RFX3: variants seen among roughly 807,000 people sequenced by gnomAD.
RFX3 encodes regulatory factor X3.
A neutral mutation model predicts 98.6 loss-of-function variants in RFX3; 14 were observed. The observed-to-expected ratio is 0.14, with a 90% confidence interval of 0.09 to 0.22. RFX3 has a LOEUF of 0.22. Among genes scored for constraint, RFX3 ranks in the 10% least tolerant of loss-of-function variants. RFX3 has a pLI of 1.00. For missense variants in RFX3, 639 were observed against 926.9 expected (o/e 0.69, Z 4.03); for synonymous variants, 383 against 328.4 (o/e 1.17, Z -1.80).
Position 3,378,094 on chromosome 9 carries a change from C to G in RFX3, c.117+17378G>C, listed in dbSNP as rs11536748. On this transcript the variant is annotated intron_variant, in intron 2 of 16. Coordinates refer to ENST00000617270, the MANE Select transcript of RFX3 (RefSeq NM_001282116.2). ...AGTTAATTTTACAGCACAATATACACTTGGATAAGAATTCATCACTGAAAA... is the reference window on the plus strand; with the variant it reads ...AGTTAATTTTACAGCACAATATACAGTTGGATAAGAATTCATCACTGAAAA... Among the ~76,000 whole-genome samples, 312 of 152,146 alleles carry G rather than the reference C, an allele frequency of 2.1e-3. 12 individuals carry two copies. In the East Asian group the frequency reaches 0.053, roughly 26 times the overall value.
chr9:3,504,416 T>C (rs1303870144), intron 1 of RFX3, among the ~76,000 whole-genome samples: 2 of 136,802 alleles, frequency 1.5e-5, no homozygotes, highest in South Asian at 2.2e-4. Flanking sequence ...ATATATATTA[T>C]ATACCACATA....
chr9:3,308,117 T>A (rs891316551), intron 4 of RFX3, among the ~76,000 whole-genome samples: 2 of 152,164 alleles, frequency 1.3e-5, no homozygotes, highest in Admixed American at 6.6e-5. Flanking sequence ...ACTGCCTATA[T>A]GTAATCTATT....
intron 1 of RFX3, among the ~76,000 whole-genome samples, chr9:3,402,269 ACT>A (rs1841549202): frequency 6.6e-6 from 1 of 152,194 alleles, no homozygotes; most frequent in Admixed American, 6.6e-5. Flanking sequence ...CACTACACTT[ACT>A]GTATTATTTT....
chr9:3,314,854 G>A (rs1830397540), intron 4 of RFX3, among the ~76,000 whole-genome samples: 1 of 152,004 alleles, frequency 6.6e-6, no homozygotes, highest in South Asian at 2.1e-4. Flanking sequence ...CCCAAAATAG[G>A]AGCACCCAGA....
chr9:3,412,071 C>CA (rs1374591255), intron 1 of RFX3, among the ~76,000 whole-genome samples: 5 of 152,150 alleles, frequency 3.3e-5, no homozygotes, highest in Non-Finnish European at 5.9e-5. Context: ...ACGTAAGCCA[C>CA]ATGGCCAAAA....
At position 3,224,984 on chromosome 9, in the gene RFX3, A is replaced by G; in HGVS notation, c.*58T>C. 1.3e-6 allele frequency: 2 copies of G among 1,530,478 alleles called. No homozygotes were observed. Among genetic ancestry groups the G allele is most frequent in the Non-Finnish European group, 1.8e-6 (2 of 1,113,154 alleles). 94.8% of individuals were successfully genotyped at this position (1,530,478 alleles called of 1,614,324 possible). A position where few individuals can be genotyped will look rare whatever the true frequency, so the allele number is the denominator to read the frequency against. On this transcript the variant is annotated 3_prime_UTR_variant, in exon 17 of 17. Transcript: ENST00000617270. The stretch of plus-strand genomic sequence containing the variant: ...GACCTTCAGGCTTATTAAATTTTCA[A>G]CTTAAGCCCAATATCAACAGGGTTA...
At chr9:3,242,805 T>C (rs142457925) in intron 15 of RFX3, among the ~76,000 whole-genome samples, 4 of 152,212 alleles carry the variant, frequency 2.6e-5, no homozygotes, top group East Asian at 3.9e-4. Flanking sequence ...TCTCTATTAC[T>C]GAAATATTAT....
Position 3,271,131 on chromosome 9 carries a change from A to G in RFX3, c.1087-13T>C. On this transcript the variant is annotated splice_polypyrimidine_tract_variant and intron_variant, in intron 9 of 16. Transcript: ENST00000617270. Reference sequence around the variant, plus strand: ...CGTCCAATATTGCCTAAAAAACAAAATGGTACCAGTATTACCTTACAATAT... The same window carrying G: ...CGTCCAATATTGCCTAAAAAACAAAGTGGTACCAGTATTACCTTACAATAT... 6.2e-7 allele frequency: 1 copy of G among 1,609,318 alleles called. No homozygotes were observed. The highest frequency in any genetic ancestry group is 1.1e-5 in the South Asian group (1 of 90,972).
chr9:3,455,258 T>G (rs1587728144), intron 1 of RFX3, among the ~76,000 whole-genome samples: 4 of 152,328 alleles, frequency 2.6e-5, no homozygotes, highest in Middle Eastern at 6.8e-3. Flanking sequence ...AGATTCTGTA[T>G]GCATCAGACA....
chr9:3,399,531 T>C (rs1330741349), intron 1 of RFX3, among the ~76,000 whole-genome samples: 2 of 152,204 alleles, frequency 1.3e-5, no homozygotes, highest in South Asian at 4.1e-4. Flanking sequence ...TTATGTGTTC[T>C]ATAGGCAAAT....
At chr9:3,397,664 T>C (rs1338652718) in intron 1 of RFX3, among the ~76,000 whole-genome samples, 1 of 152,206 alleles carries the variant, frequency 6.6e-6, no homozygotes, top group Admixed American at 6.5e-5. Flanking sequence ...CTTAATTTTC[T>C]TTCTACACTT....
chr9:3,394,154 A>T (rs868417619), intron 2 of RFX3, among the ~76,000 whole-genome samples: 41 of 152,266 alleles, frequency 2.7e-4, no homozygotes, highest in Middle Eastern at 3.4e-3. Context: ...AGATTTTTTT[A>T]AAAATGTTTA....
intron 2 of RFX3, among the ~76,000 whole-genome samples, chr9:3,351,845 T>C (rs1375884524): frequency 6.6e-6 from 1 of 151,906 alleles, no homozygotes; most frequent in East Asian, 1.9e-4. Flanking sequence ...TTACATATAG[T>C]TAGTAGTAAT....
At chr9:3,499,887 T>C (rs1815789924) in intron 1 of RFX3, among the ~76,000 whole-genome samples, 1 of 152,148 alleles carries the variant, frequency 6.6e-6, no homozygotes, top group African/African-American at 2.4e-5. Flanking sequence ...ACATTTTCTC[T>C]ACATTCTTGG....
At chr9:3,311,873 G>C (rs1830002926) in intron 4 of RFX3, among the ~76,000 whole-genome samples, 2 of 152,094 alleles carry the variant, frequency 1.3e-5, no homozygotes, top group Non-Finnish European at 2.9e-5. Context: ...AACAGAGCAA[G>C]ACTCTGCCCA....
intron 9 of RFX3, among the ~76,000 whole-genome samples, chr9:3,274,486 A>C (rs1381134634): frequency 6.6e-6 from 1 of 152,178 alleles, no homozygotes; most frequent in Non-Finnish European, 1.5e-5. Context: ...GTGGTACATT[A>C]ATGTGCTGGC....
intron 4 of RFX3, among the ~76,000 whole-genome samples, chr9:3,322,471 C>T (rs1426597873): frequency 6.6e-6 from 1 of 152,118 alleles, no homozygotes; most frequent in Non-Finnish European, 1.5e-5. Context: ...GTGGCTCAGG[C>T]CTGTAATCCC....
At position 3,223,504 on chromosome 9, in the gene RFX3, A is replaced by G. The variant is rs1415400548; in HGVS notation, c.*1538T>C. ...TAACTAAATAAGAATGGTCTAAAACATATATGATTTTATGTTAACAAGTTG... is the reference window on the plus strand; with the variant it reads ...TAACTAAATAAGAATGGTCTAAAACGTATATGATTTTATGTTAACAAGTTG... On this transcript the variant is annotated 3_prime_UTR_variant, in exon 17 of 17. Transcript: ENST00000617270. 1 of 152,232 alleles carries G rather than the reference A, an allele frequency of 6.6e-6. No individual in the cohort carries two copies. Among genetic ancestry groups the G allele is most frequent in the Non-Finnish European group, 1.5e-5 (1 of 68,044 alleles). 9.4% of individuals were successfully genotyped at this position (152,232 alleles called of 1,614,324 possible). A position where few individuals can be genotyped will look rare whatever the true frequency, so the allele number is the denominator to read the frequency against.
Position 3,505,285 on chromosome 9 carries a change from T to TTAAAATA in RFX3, c.-9+20461_-9+20462insTATTTTA, listed in dbSNP as rs1564187095. 8.7e-4 allele frequency among the ~76,000 whole-genome samples: 52 copies of TTAAAATA among 59,770 alleles called. 3 individuals carry two copies. The highest frequency in any genetic ancestry group is 5.3e-3 in the African/African-American group (47 of 8,866). 39.2% of individuals were successfully genotyped at this position (59,770 alleles called of 152,430 possible). A position where few individuals can be genotyped will look rare whatever the true frequency, so the allele number is the denominator to read the frequency against. ...ATTTATATATATATGAATATATACA[T>TTAAAATA]TTTTATATTTATATATATATAAATA... On this transcript the variant is annotated intron_variant, in intron 1 of 16. Coordinates refer to ENST00000617270, the MANE Select transcript of RFX3 (RefSeq NM_001282116.2).
Sources: gnomAD v4.1 joint callset for allele counts (sites outside exome capture counted in the v4.1 genomes callset) on GRCh38, gnomAD v4.1.1 for gene constraint, MANE v1.5 for transcripts, NCBI Gene and HGNC (gene_info 2026-07-23, HGNC 2026-07-21) for gene names.